NFYA: variants seen among roughly 807,000 people sequenced by gnomAD.
The protein encoded by NFYA is CAAT-box DNA binding protein subunit A.
In NFYA, 28 loss-of-function variants were observed where a neutral mutation model predicts 52.8. That is an observed-to-expected ratio of 0.53 (90% CI 0.39 to 0.73). The LOEUF (loss-of-function observed/expected upper bound fraction) is 0.73, where lower values mean the gene tolerates loss of function less well. Ranked by LOEUF, NFYA falls within the 30% of genes least tolerant of loss-of-function variation. NFYA has a pLI of 0.00. For missense variants in NFYA, 234 were observed against 427.0 expected (o/e 0.55, Z 3.98); for synonymous variants, 150 against 150.7 (o/e 1.00, Z 0.03).
intron 6 of NFYA, 111 bp from the exon 7 acceptor site, chr6:41,091,416 GT>G: frequency 9.7e-7 from 1 of 1,033,636 alleles, no homozygotes; most frequent in South Asian, 1.7e-5. Flanking sequence ...TTTTCAGTGT[GT>G]TTTGCCAGGA....
chr6:41,083,771 C>T (rs551889286), intron 3 of NFYA, among the ~76,000 whole-genome samples: 4 of 152,232 alleles, frequency 2.6e-5, no homozygotes, highest in Admixed American at 2.0e-4. Context: ...GGATTTAGCC[C>T]GTGTTTGGTG....
rs189990427 is a variant in NFYA at position 41,083,132 on chromosome 6, A to G, written c.163-914A>G. On this transcript the variant is annotated intron_variant, in intron 3 of 9. Transcript: ENST00000341376. ...AAAATTTTGGACTATTCCATGGATC[A>G]TTACAGTTTACTTCTAAAGCACTTT... 9.8e-5 allele frequency among the ~76,000 whole-genome samples: 15 copies of G among 152,344 alleles called. No individual in the cohort carries two copies. In the East Asian group the frequency reaches 2.5e-3, roughly 25 times the overall value.
Position 41,078,901 on chromosome 6 carries a change from A to C in NFYA, c.-61-128A>C, listed in dbSNP as rs532502165. ...CCCAGTTAAAAATGATACTGAATAT[A>C]AGCATTTCCTATTCTCCTATCCTGT... On this transcript the variant is annotated intron_variant, in intron 1 of 9. Transcript: ENST00000341376. 2.2e-4 allele frequency: 118 copies of C among 532,094 alleles called. 1 individual carries two copies. The highest frequency in any genetic ancestry group is 9.6e-4 in the Middle Eastern group (3 of 3,112). The allele number at this position is 532,094 out of a possible 1,614,324, so 33.0% of individuals were successfully genotyped here.
intron 1 of NFYA, among the ~76,000 whole-genome samples, chr6:41,074,229 T>C (rs1192311855): frequency 6.6e-6 from 1 of 152,250 alleles, no homozygotes; most frequent in African/African-American, 2.4e-5. Context: ...GTTAACGTTT[T>C]CTCAGCAGAT....
intron 1 of NFYA, among the ~76,000 whole-genome samples, chr6:41,073,291 C>G (rs1163022662): frequency 3.3e-5 from 5 of 151,688 alleles, no homozygotes; most frequent in African/African-American, 1.2e-4. Context: ...AGGGGCCGCC[C>G]CGCGCGGGGA....
rs573143962 is a variant in NFYA at position 41,101,653 on chromosome 6, G to A, written c.*4243G>A. 1.3e-5 allele frequency among the ~76,000 whole-genome samples: 2 copies of A among 152,266 alleles called. No homozygotes were observed. Among genetic ancestry groups the A allele is most frequent in the South Asian group, 2.1e-4 (1 of 4,826 alleles). On this transcript the variant is annotated 3_prime_UTR_variant, in exon 10 of 10. Coordinates refer to ENST00000341376, the MANE Select transcript of NFYA (RefSeq NM_002505.5). ...ACTCTGTGTCAGGGATATGAAGATGGGTAATACCAGGTGCCTGTCCTCACT... is the reference window on the plus strand; with the variant it reads ...ACTCTGTGTCAGGGATATGAAGATGAGTAATACCAGGTGCCTGTCCTCACT...
chr6:41,080,231 C>T (rs1763869371), intron 2 of NFYA, among the ~76,000 whole-genome samples: 1 of 152,062 alleles, frequency 6.6e-6, no homozygotes, highest in African/African-American at 2.4e-5. Flanking sequence ...GGAAGGTTGG[C>T]TTAAGCCCAG....
chr6:41,093,362 T>C lies in NFYA; in HGVS notation c.888+277T>C, dbSNP rs139891363. Among the ~76,000 whole-genome samples, 418 of 152,344 alleles carry C rather than the reference T, an allele frequency of 2.7e-3. 6 individuals are homozygous for C. In the South Asian group the frequency reaches 0.037, roughly 13 times the overall value. ...CTGGACTGGTAGCACATTTTCACAG[T>C]TCTCAAGACCTGTTTCACTGCTTTA... On this transcript the variant is annotated intron_variant, in intron 8 of 9. Transcript: ENST00000341376.
chr6:41,078,835 C>T (rs927768964), intron 1 of NFYA, among the ~76,000 whole-genome samples, 194 bp from the exon 2 acceptor site: 7 of 152,130 alleles, frequency 4.6e-5, no homozygotes, highest in Admixed American at 2.0e-4. Flanking sequence ...ATTTTAGAAA[C>T]GTGAAAATAG....
At chr6:41,079,212 C>A in intron 2 of NFYA, 48 bp downstream of exon 2, 1 of 1,542,484 alleles carries the variant, frequency 6.5e-7, no homozygotes, top group Non-Finnish European at 9.0e-7. Flanking sequence ...AAACTGATAA[C>A]AGCACCACTC....
intron 2 of NFYA, among the ~76,000 whole-genome samples, chr6:41,080,601 A>C (rs1346544225): frequency 6.6e-6 from 1 of 152,198 alleles, no homozygotes; most frequent in African/African-American, 2.4e-5. Flanking sequence ...TGAGTTTTTG[A>C]GTCAAATTTT....
intron 1 of NFYA, among the ~76,000 whole-genome samples, chr6:41,073,766 A>G (rs1232691154): frequency 6.7e-6 from 1 of 149,524 alleles, no homozygotes; most frequent in East Asian, 2.0e-4. Context: ...TAGTTCGCCC[A>G]CTCCCCCTGC....
intron 1 of NFYA, among the ~76,000 whole-genome samples, chr6:41,074,562 G>T (rs547584536): frequency 6.6e-5 from 10 of 152,236 alleles, no homozygotes; most frequent in Non-Finnish European, 1.0e-4. Context: ...AAAGATGGAA[G>T]AGCTTGCTCG....
rs370022576 is a variant in NFYA, at chr6:41,094,266, T to C, written c.889-130T>C. On this transcript the variant is annotated intron_variant, in intron 8 of 9. Coordinates refer to ENST00000341376, the MANE Select transcript of NFYA (RefSeq NM_002505.5). The stretch of plus-strand genomic sequence containing the variant: ...TTCTCCAAAGCTTCCATCGTCATTC[T>C]AAGTCATAATTGTCCCTTGTGACTT... 165 of 697,624 alleles carry C rather than the reference T, an allele frequency of 2.4e-4. 2 individuals carry two copies. In the East Asian group the frequency reaches 4.4e-3, roughly 19 times the overall value. The allele number at this position is 697,624 out of a possible 1,614,324, so 43.2% of individuals were successfully genotyped here. A position where few individuals can be genotyped will look rare whatever the true frequency, so the allele number is the denominator to read the frequency against.
chr6:41,088,423 CAAAAAAAAAAA>C (rs34590854), intron 4 of NFYA, among the ~76,000 whole-genome samples: 150 of 64,728 alleles, frequency 2.3e-3, no homozygotes, highest in African/African-American at 8.9e-3. Context: ...ACTCCGTCTC[CAAAAAAAAAAA>C]AAAAAAAAAA....
chr6:41,074,856 A>T (rs1763690683), intron 1 of NFYA, among the ~76,000 whole-genome samples: 1 of 152,190 alleles, frequency 6.6e-6, no homozygotes, highest in Non-Finnish European at 1.5e-5. Context: ...GGGGATGAAG[A>T]GGAGACTTGT....
intron 3 of NFYA, among the ~76,000 whole-genome samples, chr6:41,081,256 G>C (rs969571166): frequency 6.6e-6 from 1 of 152,112 alleles, no homozygotes; most frequent in African/African-American, 2.4e-5. Context: ...TTGGGAGGCC[G>C]AGGCAGGCGG....
Position 41,102,267 on chromosome 6 carries a change from G to A in NFYA, c.*4857G>A, listed in dbSNP as rs938623563. ...TCTTCAAGTTGCCACTGAAAAGCTA[G>A]ACCTTTGCCTATTATCTGCTAATCT... On this transcript the variant is annotated 3_prime_UTR_variant, in exon 10 of 10. Transcript: ENST00000341376. Among the ~76,000 whole-genome samples, 3 of 152,108 alleles carry A rather than the reference G, an allele frequency of 2.0e-5. No individual in the cohort carries two copies. The highest frequency in any genetic ancestry group is 2.9e-5 in the Non-Finnish European group (2 of 68,026).
chr6:41,086,060 A>C (rs1000225000), intron 4 of NFYA, among the ~76,000 whole-genome samples: 1 of 152,166 alleles, frequency 6.6e-6, no homozygotes, highest in African/African-American at 2.4e-5. Flanking sequence ...TCTTTTCAGC[A>C]TGTGCTTTCC....
Sources: allele counts gnomAD v4.1 joint callset (sites outside exome capture counted in the v4.1 genomes callset), GRCh38; gene constraint gnomAD v4.1.1; transcripts MANE v1.5; gene names NCBI Gene and HGNC (gene_info 2026-07-23, HGNC 2026-07-21).